SMYD3: variants seen among roughly 807,000 people sequenced by gnomAD.
The protein encoded by SMYD3 is histone-lysine N-methyltransferase SMYD3.
SMYD3 carries 36 observed loss-of-function variants against 57.7 expected under a neutral mutation model. The observed-to-expected ratio is 0.62, with a 90% CI of 0.48 to 0.82. SMYD3 has a LOEUF of 0.82. Among genes scored for constraint, SMYD3 ranks in the 40% least tolerant of loss-of-function variants. The pLI is 0.00. For missense variants in SMYD3, 515 were observed against 538.8 expected, an observed-to-expected ratio of 0.96 and a Z score of 0.44; for synonymous variants, 211 against 195.0, an observed-to-expected ratio of 1.08 and a Z score of -0.68.
At chr1:246,407,153 A>T (rs1343260358) in intron 1 of SMYD3, among the ~76,000 whole-genome samples, 2 of 152,242 alleles carry the variant, frequency 1.3e-5, no homozygotes, top group Non-Finnish European at 2.9e-5. Context: ...ATCCCACATT[A>T]TCTGTCACAA....
chr1:246,244,450 T>C (rs768699261), intron 5 of SMYD3, among the ~76,000 whole-genome samples: 3 of 152,130 alleles, frequency 2.0e-5, no homozygotes, highest in Admixed American at 1.3e-4. Flanking sequence ...ACTTTATAAA[T>C]AGGATTTGAT....
intron 5 of SMYD3, among the ~76,000 whole-genome samples, chr1:246,212,028 G>A (rs1482794548): frequency 6.6e-6 from 1 of 151,738 alleles, no homozygotes; most frequent in Non-Finnish European, 1.5e-5. Context: ...ATCTACAACA[G>A]ACAAAATGAG....
At chr1:245,858,719 C>A in intron 9 of SMYD3, 49 bp from the exon 10 acceptor site, 2 of 1,571,760 alleles carry the variant, frequency 1.3e-6, no homozygotes, top group Non-Finnish European at 1.7e-6. Flanking sequence ...AAGAAAAAAA[C>A]AAACAAAATT....
chr1:245,880,356 T>C (rs1262407883), intron 8 of SMYD3, among the ~76,000 whole-genome samples: 1 of 152,230 alleles, frequency 6.6e-6, no homozygotes, highest in Non-Finnish European at 1.5e-5. Flanking sequence ...TGAGAAAGTA[T>C]ATATAGGTTC....
chr1:246,212,770 A>C (rs998879227), intron 5 of SMYD3, among the ~76,000 whole-genome samples: 2 of 152,166 alleles, frequency 1.3e-5, no homozygotes, highest in African/African-American at 4.8e-5. Context: ...AGATCTAATA[A>C]ATTTGGTTAA....
intron 1 of SMYD3, among the ~76,000 whole-genome samples, chr1:246,503,057 CA>C (rs2068481628): frequency 1.3e-5 from 2 of 152,188 alleles, no homozygotes; most frequent in Admixed American, 6.5e-5. Context: ...AGGAGCAGAG[CA>C]AAAGGCCTTC....
At chr1:246,106,757 G>A (rs2061130376) in intron 5 of SMYD3, among the ~76,000 whole-genome samples, 1 of 152,146 alleles carries the variant, frequency 6.6e-6, no homozygotes, top group Non-Finnish European at 1.5e-5. Flanking sequence ...GCATCTGGAA[G>A]CCCTCTGGCC....
At chr1:246,462,616 G>A (rs868268025) in intron 1 of SMYD3, among the ~76,000 whole-genome samples, 1 of 152,150 alleles carries the variant, frequency 6.6e-6, no homozygotes, top group African/African-American at 2.4e-5. Flanking sequence ...AGGCCATCTG[G>A]TATAGCTGAA....
chr1:246,066,220 G>A (rs573125192), intron 5 of SMYD3, among the ~76,000 whole-genome samples: 4 of 152,280 alleles, frequency 2.6e-5, no homozygotes, highest in South Asian at 4.1e-4. Context: ...AGGCAATTCA[G>A]TTCAACTCAT....
chr1:245,871,847 G>A (rs1329286113), intron 8 of SMYD3, among the ~76,000 whole-genome samples: 1 of 152,172 alleles, frequency 6.6e-6, no homozygotes, highest in African/African-American at 2.4e-5. Context: ...ACAGGGCGGG[G>A]ACCAACAGGA....
chr1:246,216,707 A>G (rs189940690), intron 5 of SMYD3, among the ~76,000 whole-genome samples: 12 of 152,182 alleles, frequency 7.9e-5, no homozygotes, highest in Non-Finnish European at 1.6e-4. Flanking sequence ...TTGTATTTAA[A>G]AAGAGAACAT....
rs565917123 is a variant in SMYD3 at position 245,939,715 on chromosome 1, T to C, written c.532-9778A>G. Among the ~76,000 whole-genome samples, 5 of 152,292 alleles carry C rather than the reference T, an allele frequency of 3.3e-5. No individual in the cohort carries two copies. In the South Asian group the frequency reaches 1.0e-3, roughly 32 times the overall value. Reference sequence around the variant, plus strand: ...CAGATCTGGTCCCCATCAACTTTTCTAGTCTCTTCTCTAGTGTCTGCCTTC... The same window carrying C: ...CAGATCTGGTCCCCATCAACTTTTCCAGTCTCTTCTCTAGTGTCTGCCTTC... On this transcript the variant is annotated intron_variant, in intron 5 of 11. Transcript: ENST00000490107.
At chr1:246,338,510 G>A (rs2065579853) in intron 2 of SMYD3, among the ~76,000 whole-genome samples, 1 of 152,070 alleles carries the variant, frequency 6.6e-6, no homozygotes, top group African/African-American at 2.4e-5. Flanking sequence ...TTAAGATTTT[G>A]CTCATAACAT....
intron 5 of SMYD3, among the ~76,000 whole-genome samples, chr1:246,078,943 T>C (rs2060592065): frequency 6.6e-6 from 1 of 152,188 alleles, no homozygotes; most frequent in Non-Finnish European, 1.5e-5. Context: ...GTCTCATTTT[T>C]ATGGAGGTTA....
chr1:245,962,757 A>T (rs188542415), intron 5 of SMYD3, among the ~76,000 whole-genome samples: 1 of 131,594 alleles, frequency 7.6e-6, no homozygotes, highest in African/African-American at 2.5e-5. Context: ...AAACATCCAT[A>T]GAGGAGAAAC....
At chr1:246,369,206 ATTATT>A (rs989559836) in intron 1 of SMYD3, among the ~76,000 whole-genome samples, 27 of 152,326 alleles carry the variant, frequency 1.8e-4, no homozygotes, top group African/African-American at 5.8e-4. Flanking sequence ...CAGTTTTACT[ATTATT>A]TTAAGATTTT....
intron 5 of SMYD3, among the ~76,000 whole-genome samples, chr1:246,148,043 T>C (rs1242334004): frequency 6.7e-6 from 1 of 149,150 alleles, no homozygotes; most frequent in African/African-American, 2.5e-5. Flanking sequence ...GAGAGATTCC[T>C]GGGTGGAAGG....
chr1:246,001,850 A>C (rs561443576), intron 5 of SMYD3, among the ~76,000 whole-genome samples: 2 of 152,276 alleles, frequency 1.3e-5, no homozygotes, highest in African/African-American at 4.8e-5. Context: ...AAGAGCATTA[A>C]ACTGGCCAGA....
chr1:246,476,456 T>A (rs1246926221), intron 1 of SMYD3, among the ~76,000 whole-genome samples: 1 of 152,240 alleles, frequency 6.6e-6, no homozygotes, highest in Non-Finnish European at 1.5e-5. Context: ...CCTGAGATTT[T>A]ACATTTCCAA....
Sources: gnomAD v4.1 joint callset for allele counts (sites outside exome capture counted in the v4.1 genomes callset) on GRCh38, gnomAD v4.1.1 for gene constraint, MANE v1.5 for transcripts, NCBI Gene and HGNC (gene_info 2026-07-23, HGNC 2026-07-21) for gene names.